PFDN1: variants seen among roughly 807,000 people sequenced by gnomAD.
The protein encoded by PFDN1 is prefoldin subunit 1.
A neutral mutation model predicts 17.3 loss-of-function variants in PFDN1; 6 were observed. That is an observed-to-expected ratio of 0.35 (90% CI 0.19 to 0.69). PFDN1 has a LOEUF of 0.69. Ranked by LOEUF, PFDN1 falls within the 30% of genes least tolerant of loss-of-function variation. The pLI, the probability that PFDN1 is intolerant of heterozygous loss-of-function variation, is 0.65. For missense variants in PFDN1, 113 were observed against 146.2 expected (o/e 0.77, Z 1.17); for synonymous variants, 58 against 50.1 (o/e 1.16, Z -0.67).
At chr5:140,281,386 T>A in intron 3 of PFDN1, 63 bp downstream of exon 3, 1 of 733,540 alleles carries the variant, frequency 1.4e-6, no homozygotes, top group Non-Finnish European at 2.4e-6. Context: ...TTTCATTTAA[T>A]ATGACACAAT....
chr5:140,278,557 C>CAAAAA (rs113129230), intron 3 of PFDN1, among the ~76,000 whole-genome samples: 73 of 78,994 alleles, frequency 9.2e-4, no homozygotes, highest in Non-Finnish European at 1.3e-3. Context: ...GACTCTGTCT[C>CAAAAA]AAAAAAAAAA....
chr5:140,262,802 C>CA (rs1298499779), intron 3 of PFDN1, among the ~76,000 whole-genome samples: 2 of 151,014 alleles, frequency 1.3e-5, no homozygotes, highest in Non-Finnish European at 3.0e-5. Context: ...AAAAAAAAAC[C>CA]AAAAAGGTAA....
chr5:140,286,411 C>CAAA (rs70988742), intron 2 of PFDN1, among the ~76,000 whole-genome samples: 14 of 83,496 alleles, frequency 1.7e-4, no homozygotes, highest in Non-Finnish European at 1.8e-4. Flanking sequence ...GACTCTGTCT[C>CAAA]AAAAAAAAAA....
intron 3 of PFDN1, among the ~76,000 whole-genome samples, chr5:140,250,837 T>C (rs1224350543): frequency 1.3e-5 from 2 of 152,254 alleles, no homozygotes; most frequent in African/African-American, 4.8e-5. Context: ...CCCCTGGATA[T>C]ACACAGATTT....
chr5:140,290,841 C>T (rs1765569849), intron 2 of PFDN1, among the ~76,000 whole-genome samples: 1 of 152,074 alleles, frequency 6.6e-6, no homozygotes, highest in Admixed American at 6.5e-5. Context: ...TTAAGAAAGA[C>T]ATCTGATACC....
intron 3 of PFDN1, among the ~76,000 whole-genome samples, chr5:140,250,943 AT>A (rs35698096): frequency 4.0e-5 from 6 of 151,164 alleles, no homozygotes; most frequent in Non-Finnish European, 5.9e-5. Context: ...TATTCTTTTT[AT>A]TTTTTTTTGA....
chr5:140,259,943 AT>A (rs1765039712), intron 3 of PFDN1, among the ~76,000 whole-genome samples: 1 of 152,234 alleles, frequency 6.6e-6, no homozygotes, highest in Non-Finnish European at 1.5e-5. Context: ...AAGACGTATT[AT>A]TGGCCAAAAA....
chr5:140,274,694 C>T (rs1765263070), intron 3 of PFDN1, among the ~76,000 whole-genome samples: 1 of 152,104 alleles, frequency 6.6e-6, no homozygotes, highest in South Asian at 2.1e-4. Flanking sequence ...GCCTGAAGAA[C>T]AGTCTAACAT....
Position 140,300,602 on chromosome 5 carries a change from G to C in PFDN1, c.34-20C>G. On this transcript the variant is annotated intron_variant, in intron 1 of 3. Transcript: ENST00000261813. The stretch of plus-strand genomic sequence containing the variant: ...GAAGGCCTAATAAAAACAAGTCCAT[G>C]ATTTAGTAGGTAAAACATTTTACAG... 6.5e-7 allele frequency: 1 copy of C among 1,540,926 alleles called. No individual in the cohort carries two copies. The highest frequency in any genetic ancestry group is 8.8e-7 in the Non-Finnish European group (1 of 1,133,658).
Position 140,261,597 on chromosome 5 carries a change from G to A in PFDN1, c.286-15540C>T, listed in dbSNP as rs182432118. On this transcript the variant is annotated intron_variant, in intron 3 of 3. Coordinates refer to ENST00000261813, the MANE Select transcript of PFDN1 (RefSeq NM_002622.5). ...CTACATGACTCATAGGCACCTCCTC[G>A]GCTGATTTGTATGGGTCAGCAGAGG... 9.1e-3 allele frequency among the ~76,000 whole-genome samples: 1,386 copies of A among 152,274 alleles called. 15 individuals are homozygous for A. The highest frequency in any genetic ancestry group is 0.011 in the Non-Finnish European group (744 of 68,018).
intron 3 of PFDN1, among the ~76,000 whole-genome samples, chr5:140,278,167 C>T (rs907370593): frequency 6.6e-6 from 1 of 151,532 alleles, no homozygotes; most frequent in Non-Finnish European, 1.5e-5. Flanking sequence ...AAGATCATGC[C>T]ACTGCACTCC....
At chr5:140,283,105 C>T (rs909776854) in intron 2 of PFDN1, among the ~76,000 whole-genome samples, 1 of 152,320 alleles carries the variant, frequency 6.6e-6, no homozygotes, top group Admixed American at 6.5e-5. Flanking sequence ...AGCTATGCCC[C>T]AACACCTGGA....
chr5:140,255,866 C>T (rs546943007), intron 3 of PFDN1, among the ~76,000 whole-genome samples: 4 of 152,212 alleles, frequency 2.6e-5, no homozygotes, highest in Non-Finnish European at 4.4e-5. Context: ...CTTCTTGAAT[C>T]GGTTTTCTAA....
rs58605224 is a variant in PFDN1 at position 140,264,020 on chromosome 5, C to CAAAAAAAAAAAAAA, written c.285+17415_285+17428dup. Among the ~76,000 whole-genome samples, 42 of 55,558 alleles carry CAAAAAAAAAAAAAA rather than the reference C, an allele frequency of 7.6e-4. 6 individuals are homozygous for CAAAAAAAAAAAAAA. The highest frequency in any genetic ancestry group is 1.1e-3 in the Non-Finnish European group (32 of 30,040). 36.4% of individuals were successfully genotyped at this position (55,558 alleles called of 152,430 possible). On this transcript the variant is annotated intron_variant, in intron 3 of 3. Transcript: ENST00000261813. ...TGGGGGTCAGAGTGAGACTCCATCT[C>CAAAAAAAAAAAAAA]AAAAAAAAAAAAAAAAAAAAAAAAA...
At chr5:140,294,527 C>T (rs918978412) in intron 2 of PFDN1, among the ~76,000 whole-genome samples, 5 of 152,002 alleles carry the variant, frequency 3.3e-5, no homozygotes, top group Middle Eastern at 3.4e-3. Flanking sequence ...TATTTCATCC[C>T]ACCTTTACTA....
At chr5:140,256,010 C>T (rs1373110653) in intron 3 of PFDN1, among the ~76,000 whole-genome samples, 1 of 152,176 alleles carries the variant, frequency 6.6e-6, no homozygotes. Flanking sequence ...TCTTACTCAA[C>T]CTCTCAACAG....
At chr5:140,297,152 A>G (rs1477675480) in intron 2 of PFDN1, among the ~76,000 whole-genome samples, 18 of 152,224 alleles carry the variant, frequency 1.2e-4, no homozygotes. Context: ...AATCTACTGC[A>G]TGTTCTAAAA....
Position 140,269,520 on chromosome 5 carries a change from T to C in PFDN1, c.285+11929A>G, listed in dbSNP as rs1457867725. Reference sequence around the variant, plus strand: ...TTTAGTAGAGATGGGGGTCTCTCCATGTTGGTCAGGCTGGTCTCGAACTCC... The same window carrying C: ...TTTAGTAGAGATGGGGGTCTCTCCACGTTGGTCAGGCTGGTCTCGAACTCC... On this transcript the variant is annotated intron_variant, in intron 3 of 3. Transcript: ENST00000261813. 3.9e-5 allele frequency among the ~76,000 whole-genome samples: 6 copies of C among 152,172 alleles called. No homozygotes were observed. In the East Asian group the frequency reaches 7.7e-4, roughly 20 times the overall value.
At chr5:140,273,952 C>A (rs1473382650) in intron 3 of PFDN1, 2 of 942,452 alleles carry the variant, frequency 2.1e-6, no homozygotes, top group Admixed American at 6.2e-5. Flanking sequence ...ACAAAAAAAA[C>A]ATAAGGCAAT....
Sources: allele counts gnomAD v4.1 joint callset (sites outside exome capture counted in the v4.1 genomes callset), GRCh38; gene constraint gnomAD v4.1.1; transcripts MANE v1.5; gene names NCBI Gene and HGNC (gene_info 2026-07-23, HGNC 2026-07-21).